AHRR: variants seen among roughly 807,000 people sequenced by gnomAD.
The protein encoded by AHRR is ahR repressor.
AHRR carries 28 observed loss-of-function variants against 44.0 expected under a neutral mutation model. That is an observed-to-expected ratio of 0.64 (90% confidence interval 0.47 to 0.87). The LOEUF (loss-of-function observed/expected upper bound fraction) is 0.87. Ranked by LOEUF, AHRR falls within the 40% of genes least tolerant of loss-of-function variation. AHRR has a pLI of 0.00. For synonymous variants in AHRR, 434 were observed against 407.0 expected (o/e 1.07, Z -0.80); for missense variants, 990 against 953.9 (o/e 1.04, Z -0.50).
chr5:365,066 T>A (rs922927343), intron 3 of AHRR, among the ~76,000 whole-genome samples: 2 of 152,010 alleles, frequency 1.3e-5, no homozygotes, highest in African/African-American at 4.8e-5. Context: ...TTAAATACTG[T>A]AACTCAGTAT....
intron 4 of AHRR, among the ~76,000 whole-genome samples, chr5:397,951 GCCC>G (rs1401984162): frequency 1.1e-3 from 125 of 117,060 alleles, no homozygotes; most frequent in African/African-American, 3.8e-3. Flanking sequence ...CATCCACGTA[GCCC>G]CTGACCATCC....
chr5:403,649 A>AG (rs1735126282), intron 4 of AHRR: 2 of 527,850 alleles, frequency 3.8e-6, no homozygotes, highest in Non-Finnish European at 3.3e-6. Context: ...GAAAAAAAAA[A>AG]AAAAAGTAAC....
rs1742936081 is a variant in AHRR, at chr5:353,585, G to T, written c.63-145G>T. On this transcript the variant is annotated intron_variant, in intron 2 of 10. Coordinates refer to ENST00000684583, the MANE Select transcript of AHRR (RefSeq NM_001377236.1). ...TTTAGTGTCTATGTCTTGAGGCATG[G>T]GTGAGCTTTAGTCCTCTTCCCGTCT... The T allele has an allele frequency of 1.3e-5, 9 of 696,520 alleles. No homozygotes were observed. The South Asian group carries it at 1.7e-4, about 13-fold the overall frequency. 43.1% of individuals were successfully genotyped at this position (696,520 alleles called of 1,614,324 possible).
In AHRR at chr5:432,470, G is replaced by C. The variant is rs1736774360; in HGVS notation, c.916G>C (p.Ala306Pro). The C allele has an allele frequency of 6.2e-6, 10 of 1,614,038 alleles. No homozygotes were observed. The highest frequency in any genetic ancestry group is 8.5e-6 in the Non-Finnish European group (10 of 1,180,012). ...CATCTGTGTTCTTCACAGAGTAAAA[G>C]CCACCACCAGTCTGTGCGAATCGGA... is the stretch of plus-strand genomic sequence containing the variant. ...TAATADAKVK[A>P]TTSLCESELH... The change falls in exon 9 of 11, where the codon GCC becomes CCC. Residue 306 changes from alanine to proline, a missense_variant. Physicochemically the swap from Ala to Pro is conservative, Grantham distance 27. Transcript: ENST00000684583.
At position 404,007 on chromosome 5, in the gene AHRR, G is replaced by GTGTTTTT. The variant is rs1560910557; in HGVS notation, c.352-9335_352-9329dup. The GTGTTTTT allele has an allele frequency of 1.0e-6, 1 of 964,096 alleles. No individual in the cohort carries two copies. Among genetic ancestry groups the GTGTTTTT allele is most frequent in the African/African-American group, 1.6e-5 (1 of 61,820 alleles). 59.7% of individuals were successfully genotyped at this position (964,096 alleles called of 1,614,324 possible). On this transcript the variant is annotated intron_variant, in intron 4 of 10. Transcript: ENST00000684583. This position sits in a 1 kb window ranked among gnomAD's most constrained non-coding sequence, Gnocchi z 4.1. Reference sequence around the variant, plus strand: ...CTTTCTTTACAGTAATTCGAACTTGGTGTTTTTTCTTAATCCACGGCTGAA... The same window carrying GTGTTTTT: ...CTTTCTTTACAGTAATTCGAACTTGGTGTTTTTTGTTTTTTCTTAATCCACGGCTGAA...
In AHRR at chr5:405,305, G is replaced by A. The variant is rs564201712; in HGVS notation, c.352-8039G>A. On this transcript the variant is annotated intron_variant, in intron 4 of 10. Coordinates refer to ENST00000684583, the MANE Select transcript of AHRR (RefSeq NM_001377236.1). The surrounding 1 kb of genome is among the most constrained non-coding windows in gnomAD (Gnocchi z 4.5). ...TCATGGTAGCTCCTCAGATGCTCCC[G>A]TGGATGCAGATGTCCTGCGGGGTCC... Among the ~76,000 whole-genome samples the A allele has an allele frequency of 1.3e-5, 2 of 152,282 alleles. No individual in the cohort carries two copies. Among genetic ancestry groups the A allele is most frequent in the East Asian group, 1.9e-4 (1 of 5,174 alleles).
intron 4 of AHRR, among the ~76,000 whole-genome samples, chr5:391,308 T>TA (rs1734407025): frequency 7.9e-6 from 1 of 127,380 alleles, no homozygotes; most frequent in African/African-American, 3.4e-5. Flanking sequence ...ATTAGGAAGG[T>TA]GGGCCAGAGC....
At chr5:421,770 A>C (rs1326982683) in intron 5 of AHRR, among the ~76,000 whole-genome samples, 1 of 152,188 alleles carries the variant, frequency 6.6e-6, no homozygotes, top group East Asian at 1.9e-4. Flanking sequence ...GCTGTGTCTC[A>C]TCTTGTTCGG....
intron 2 of AHRR, among the ~76,000 whole-genome samples, chr5:349,442 C>T (rs1049684369): frequency 3.3e-5 from 5 of 151,968 alleles, no homozygotes; most frequent in African/African-American, 9.6e-5. Flanking sequence ...TAGCCGGGCA[C>T]GGTGGCGGGC....
At chr5:430,977 G>A (rs754600197) in intron 8 of AHRR, among the ~76,000 whole-genome samples, 2 of 152,260 alleles carry the variant, frequency 1.3e-5, no homozygotes, top group Non-Finnish European at 2.9e-5. Flanking sequence ...GGTCTCTGCA[G>A]GGCTCGGGCC....
intron 4 of AHRR, among the ~76,000 whole-genome samples, chr5:381,159 AC>A (rs1733965569): frequency 6.6e-6 from 1 of 152,182 alleles, no homozygotes. Context: ...AGTGGAACTG[AC>A]CCACATTAAG....
rs1301666569 is a variant in AHRR at position 434,845 on chromosome 5, A to G, written c.*11A>G. 1 of 1,535,208 alleles carries G rather than the reference A, an allele frequency of 6.5e-7. No homozygotes were observed. The highest frequency in any genetic ancestry group is 1.2e-5 in the South Asian group (1 of 82,578). Reference sequence around the variant, plus strand: ...ACATTCCTGCCATAGCGCAGTGACCACCATCCAAGCTCAGATCTGTGTGTC... The same window carrying G: ...ACATTCCTGCCATAGCGCAGTGACCGCCATCCAAGCTCAGATCTGTGTGTC... On this transcript the variant is annotated 3_prime_UTR_variant, in exon 11 of 11. Transcript: ENST00000684583.
intron 2 of AHRR, among the ~76,000 whole-genome samples, chr5:344,960 AGGTTGGGGGC>A (rs2126369681): frequency 2.4e-4 from 1 of 4,082 alleles, no homozygotes; most frequent in Non-Finnish European, 4.5e-4. Flanking sequence ...TGTGTGTGTG[AGGTTGGGGGC>A]TGTGTGGGGT....
Position 434,144 on chromosome 5 carries a change from G to A in AHRR, c.1404G>A (p.Met468Ile). ...SAYSSRTSRP[M>I]RDVGEDQVHP... ...ACTCCAGCCGGACCAGCAGACCCAT[G>A]CGGGATGTCGGTGAGGACCAGGTGC... Residue 468 changes from methionine to isoleucine, a missense_variant, in exon 11 of 11, where the codon ATG becomes ATA. Coordinates refer to ENST00000684583, the MANE Select transcript of AHRR (RefSeq NM_001377236.1). The A allele has an allele frequency of 6.2e-7, 1 of 1,610,462 alleles. No individual in the cohort carries two copies. Among genetic ancestry groups the A allele is most frequent in the Non-Finnish European group, 8.5e-7 (1 of 1,178,780 alleles).
In AHRR at chr5:432,798, C is replaced by A. The variant is rs373589308; in HGVS notation, c.971-8C>A. ...GTGACGGCTTCCCCCCCCTCTAAAC[C>A]CCAACAGGAAGGAGCAGCAGAGAGA... On this transcript the variant is annotated splice_polypyrimidine_tract_variant and splice_region_variant and intron_variant, in intron 9 of 10. Transcript: ENST00000684583. 1.9e-5 allele frequency: 30 copies of A among 1,613,782 alleles called. No homozygotes were observed. Among genetic ancestry groups the A allele is most frequent in the Non-Finnish European group, 2.4e-5 (28 of 1,180,038 alleles).
At chr5:433,725 T>G in intron 10 of AHRR, 128 bp from the exon 11 acceptor site, 2 of 1,097,170 alleles carry the variant, frequency 1.8e-6, no homozygotes, top group Non-Finnish European at 2.4e-6. Flanking sequence ...CAGTGAGGGG[T>G]CGGTGTAGCA....
chr5:337,456 G>A lies in AHRR; in HGVS notation c.-10-6437G>A, dbSNP rs1297599076. ...TGCAGTGGTGTGATCTGGGCTCACT[G>A]CAGCCTTGACCTCCCAGGCTCAAGC... On this transcript the variant is annotated intron_variant, in intron 1 of 10. Transcript: ENST00000684583. This position sits in a 1 kb window ranked among gnomAD's most constrained non-coding sequence, Gnocchi z 4.1. 6.6e-6 allele frequency among the ~76,000 whole-genome samples: 1 copy of A among 152,126 alleles called. No homozygotes were observed. Among genetic ancestry groups the A allele is most frequent in the East Asian group, 1.9e-4 (1 of 5,188 alleles).
In AHRR at chr5:422,815, C is replaced by T; in HGVS notation, c.528C>T (p.Asp176=). ...GCCGGCAGCTCCACTGGGCCATGGA[C>T]CCTCCCCAGGTGGTGTTTGGGCAGC... ...DFCRQLHWAM[D]PPQVVFGQPP... Residue 176 remains aspartate (D), a synonymous_variant, in exon 6 of 11, where the codon GAC becomes GAT. Transcript: ENST00000684583. 3 of 1,614,120 alleles carry T rather than the reference C, an allele frequency of 1.9e-6. No individual in the cohort carries two copies. Among genetic ancestry groups the T allele is most frequent in the South Asian group, 2.2e-5 (2 of 91,070 alleles).
At chr5:367,085 A>G (rs1361541743) in intron 3 of AHRR, among the ~76,000 whole-genome samples, 1 of 152,270 alleles carries the variant, frequency 6.6e-6, no homozygotes, top group Non-Finnish European at 1.5e-5. Context: ...TAAGTTTGAT[A>G]TCATCTCAAA....
Sources: gnomAD v4.1 joint callset for allele counts (sites outside exome capture counted in the v4.1 genomes callset) on GRCh38, gnomAD v4.1.1 for gene constraint, Gnocchi (gnomAD v3.1) non-coding constraint, MANE v1.5 for transcripts, NCBI Gene and HGNC (gene_info 2026-07-23, HGNC 2026-07-21) for gene names.